The following CRTAP variants were observed in gnomAD, a reference collection of about 807,000 sequenced individuals.
CRTAP encodes cartilage associated protein.
In CRTAP, 33 loss-of-function variants were observed where a neutral mutation model predicts 42.7. The ratio of observed to expected loss-of-function variants is 0.77; its 90% CI spans 0.59 to 1.03. The LOEUF (loss-of-function observed/expected upper bound fraction) is 1.03, where lower values mean the gene tolerates loss of function less well. Among genes scored for constraint, CRTAP ranks in the 50% least tolerant of loss-of-function variants. CRTAP has a pLI of 0.00. For missense variants in CRTAP, 613 were observed against 533.9 expected (o/e 1.15, Z -1.46); for synonymous variants, 243 against 217.7 (o/e 1.12, Z -1.02).
intron 1 of CRTAP, among the ~76,000 whole-genome samples, chr3:33,117,708 A>T (rs1365432786): frequency 1.3e-5 from 2 of 152,162 alleles, no homozygotes; most frequent in Non-Finnish European, 2.9e-5. Flanking sequence ...AGGGTGGCTC[A>T]TGCTGGTGGC....
chr3:33,122,972 T>TC (rs374972636), intron 2 of CRTAP, among the ~76,000 whole-genome samples: 37 of 148,986 alleles, frequency 2.5e-4, no homozygotes, highest in African/African-American at 8.8e-4. Flanking sequence ...TCTCTCTCTC[T>TC]TTTTTTTTTG....
chr3:33,142,364 T>G, intron 6 of CRTAP, 31 bp from the exon 7 acceptor site: 1 of 1,598,998 alleles, frequency 6.3e-7, no homozygotes, highest in Non-Finnish European at 8.6e-7. Flanking sequence ...CAATAGCCCA[T>G]TTAATAAAGT....
chr3:33,127,650 G>A (rs1026837672), intron 3 of CRTAP, among the ~76,000 whole-genome samples: 5 of 151,936 alleles, frequency 3.3e-5, no homozygotes, highest in Admixed American at 1.3e-4. Flanking sequence ...GTTTCACCAC[G>A]TTGGCCAGGC....
At chr3:33,120,289 C>T (rs2029866881) in intron 1 of CRTAP, 55 bp from the exon 2 acceptor site, 2 of 1,501,208 alleles carry the variant, frequency 1.3e-6, no homozygotes, top group South Asian at 1.1e-5. Context: ...TCTTGTTTTA[C>T]AAAAATTACC....
intron 1 of CRTAP, among the ~76,000 whole-genome samples, chr3:33,119,499 T>G (rs1198606869): frequency 1.1e-5 from 1 of 94,040 alleles, no homozygotes; most frequent in Non-Finnish European, 1.8e-5. Context: ...CAGGTGGGGA[T>G]TTTTTTTTCC....
At chr3:33,117,796 A>G (rs576991994) in intron 1 of CRTAP, among the ~76,000 whole-genome samples, 1 of 152,256 alleles carries the variant, frequency 6.6e-6, no homozygotes, top group East Asian at 1.9e-4. Context: ...GGTCTGTCAG[A>G]GGTTTGGTAG....
intron 1 of CRTAP, among the ~76,000 whole-genome samples, chr3:33,116,352 ATCTG>A (rs1701343409): frequency 1.3e-5 from 2 of 152,030 alleles, no homozygotes; most frequent in African/African-American, 2.4e-5. Flanking sequence ...CTATCTATCT[ATCTG>A]TCTATCTATC....
intron 1 of CRTAP, among the ~76,000 whole-genome samples, chr3:33,116,008 G>A (rs987463477): frequency 2.0e-5 from 3 of 152,138 alleles, no homozygotes; most frequent in Non-Finnish European, 4.4e-5. Flanking sequence ...TTCATACAAA[G>A]CATCATTTTT....
intron 3 of CRTAP, among the ~76,000 whole-genome samples, chr3:33,127,017 G>T (rs2030091236): frequency 6.6e-6 from 1 of 151,774 alleles, no homozygotes; most frequent in Non-Finnish European, 1.5e-5. Flanking sequence ...TTTGTTCCAT[G>T]TGAGCAGAGG....
At chr3:33,119,996 C>T (rs1701397444) in intron 1 of CRTAP, among the ~76,000 whole-genome samples, 1 of 152,180 alleles carries the variant, frequency 6.6e-6, no homozygotes, top group African/African-American at 2.4e-5. Flanking sequence ...ACTCTCTTCC[C>T]TTCCTCAGTC....
Position 33,132,861 on chromosome 3 carries a change from T to C in CRTAP, c.1068+161T>C, listed in dbSNP as rs192438149. On this transcript the variant is annotated intron_variant, in intron 5 of 6. Transcript: ENST00000320954. Reference sequence around the variant, plus strand: ...TTGGGAGGCCGAGGCGGGCGGATCATGATGTCAGGAGTTCGAGACCAGCCT... The same window carrying C: ...TTGGGAGGCCGAGGCGGGCGGATCACGATGTCAGGAGTTCGAGACCAGCCT... Among the ~76,000 whole-genome samples the C allele has an allele frequency of 0.011, 1,734 of 152,164 alleles. 44 individuals carry two copies. The highest frequency in any genetic ancestry group is 0.039 in the African/African-American group (1,626 of 41,528).
intron 4 of CRTAP, 28 bp from the exon 5 acceptor site, chr3:33,132,527 T>C: frequency 1.2e-6 from 2 of 1,613,516 alleles, no homozygotes; most frequent in South Asian, 2.2e-5. Context: ...TGCTGATTTC[T>C]TCATTTGTCT....
At chr3:33,118,207 C>A (rs1287438326) in intron 1 of CRTAP, among the ~76,000 whole-genome samples, 1 of 151,230 alleles carries the variant, frequency 6.6e-6, no homozygotes, top group Non-Finnish European at 1.5e-5. Context: ...GATCCACCCA[C>A]CTCGACCTCC....
At chr3:33,125,841 C>T (rs1230583171) in intron 3 of CRTAP, among the ~76,000 whole-genome samples, 3 of 152,028 alleles carry the variant, frequency 2.0e-5, no homozygotes, top group Non-Finnish European at 4.4e-5. Context: ...AAACAGTGTC[C>T]CAATCATTTC....
chr3:33,138,423 G>T lies in CRTAP; in HGVS notation c.1153-3972G>T, dbSNP rs374166313. Among the ~76,000 whole-genome samples the T allele has an allele frequency of 2.6e-5, 4 of 151,934 alleles. No homozygotes were observed. In the South Asian group the frequency reaches 6.3e-4, roughly 24 times the overall value. ...GGATTTTTTAAAAATTTATTTCACA[G>T]TGTTTTCTTATTTTATTATTCCTAA... On this transcript the variant is annotated intron_variant, in intron 6 of 6. Transcript: ENST00000320954.
intron 2 of CRTAP, 87 bp from the exon 3 acceptor site, chr3:33,124,321 G>C: frequency 6.6e-7 from 1 of 1,508,954 alleles, no homozygotes. Context: ...AGCTAGCTTG[G>C]TGGTGGTCTT....
intron 3 of CRTAP, among the ~76,000 whole-genome samples, chr3:33,129,531 T>C (rs1466097328): frequency 4.2e-5 from 6 of 142,646 alleles, no homozygotes; most frequent in Non-Finnish European, 7.8e-5. Flanking sequence ...ATATTTTTCT[T>C]TTTCTTTTTT....
At chr3:33,132,414 A>T in intron 4 of CRTAP, 141 bp from the exon 5 acceptor site, 1 of 1,198,644 alleles carries the variant, frequency 8.3e-7, no homozygotes, top group Non-Finnish European at 1.2e-6. Flanking sequence ...CTGCCCACCC[A>T]GGGCTGCCAG....
chr3:33,119,364 G>A (rs1701385867), intron 1 of CRTAP, among the ~76,000 whole-genome samples: 2 of 152,172 alleles, frequency 1.3e-5, no homozygotes, highest in African/African-American at 2.4e-5. Context: ...GGAGATAGAC[G>A]TACCACTGAG....
Sources: gnomAD v4.1 joint callset for allele counts (sites outside exome capture counted in the v4.1 genomes callset) on GRCh38, gnomAD v4.1.1 for gene constraint, MANE v1.5 for transcripts, NCBI Gene and HGNC (gene_info 2026-07-23, HGNC 2026-07-21) for gene names.